CELF2: variants seen among roughly 807,000 people sequenced by gnomAD.
The protein encoded by CELF2 is CUGBP Elav-like family member 2.
Under a neutral mutation model 62.6 loss-of-function variants are expected in CELF2, and 8 were observed. The observed-to-expected ratio is 0.13, with a 90% CI of 0.07 to 0.23. The LOEUF is 0.23. Among genes scored for constraint, CELF2 ranks in the 10% least tolerant of loss-of-function variants. The pLI is 1.00. For synonymous variants in CELF2, 258 were observed against 250.0 expected (o/e 1.03, Z -0.30); for missense variants, 333 against 671.0 (o/e 0.50, Z 5.56).
At chr10:10,905,884 G>GA (rs542102265) in intron 1 of CELF2, among the ~76,000 whole-genome samples, 3,667 of 99,670 alleles carry the variant, frequency 0.037, 168 homozygotes, top group African/African-American at 0.12. Flanking sequence ...TCTCAAAAAA[G>GA]AAAAAAAAAA....
chr10:10,932,242 G>T (rs1407125953), intron 2 of CELF2, among the ~76,000 whole-genome samples: 1 of 152,162 alleles, frequency 6.6e-6, no homozygotes, highest in Non-Finnish European at 1.5e-5. Flanking sequence ...GTAGCATGGG[G>T]GCTGGACAAG....
chr10:11,028,174 A>G (rs996828968), intron 1 of CELF2, among the ~76,000 whole-genome samples: 1 of 152,182 alleles, frequency 6.6e-6, no homozygotes, highest in Non-Finnish European at 1.5e-5. Flanking sequence ...ATGATTGAGA[A>G]GTTCAATGAA....
intron 2 of CELF2, among the ~76,000 whole-genome samples, chr10:10,979,223 C>A (rs1295759286): frequency 9.2e-5 from 14 of 152,206 alleles, no homozygotes; most frequent in Non-Finnish European, 2.9e-5. Context: ...CATTTCTATT[C>A]TCTTGACGCC....
intron 1 of CELF2, among the ~76,000 whole-genome samples, chr10:10,807,910 A>T (rs1318098573): frequency 6.6e-6 from 1 of 152,182 alleles, no homozygotes; most frequent in Non-Finnish European, 1.5e-5. Context: ...GTAAGCAATG[A>T]CATCAGAATC....
chr10:11,238,164 G>A (rs1436250423), intron 3 of CELF2, among the ~76,000 whole-genome samples: 2 of 152,178 alleles, frequency 1.3e-5, no homozygotes, highest in African/African-American at 2.4e-5. Flanking sequence ...AGGAATCATG[G>A]CTGAGAGGAT....
At chr10:11,163,897 C>G (rs2066326168) in intron 1 of CELF2, among the ~76,000 whole-genome samples, 1 of 152,222 alleles carries the variant, frequency 6.6e-6, no homozygotes. Context: ...CCTAGACCCA[C>G]AGCAGATTTA....
In CELF2 at chr10:10,949,841, A is replaced by C. The variant is rs927532343; in HGVS notation, c.89+29842A>C. Among the ~76,000 whole-genome samples the C allele has an allele frequency of 3.3e-5, 5 of 151,920 alleles. No individual in the cohort carries two copies. The South Asian group carries it at 1.0e-3, about 32-fold the overall frequency. ...ACACACACACCAAAAAAAAAAAAAAAAAAAAAACTCACCTACAAATTCAAA... is the reference window on the plus strand; with the variant it reads ...ACACACACACCAAAAAAAAAAAAAACAAAAAAACTCACCTACAAATTCAAA... On this transcript the variant is annotated intron_variant, in intron 2 of 13. Transcript: ENST00000636488.
At chr10:11,035,790 T>C (rs150206579) in intron 1 of CELF2, among the ~76,000 whole-genome samples, 3 of 152,340 alleles carry the variant, frequency 2.0e-5, no homozygotes, top group Non-Finnish European at 4.4e-5. Context: ...GACCATGTAA[T>C]GTGCAGCTGT....
At chr10:11,249,751 A>C (rs2076598830) in intron 4 of CELF2, among the ~76,000 whole-genome samples, 2 of 152,366 alleles carry the variant, frequency 1.3e-5, no homozygotes, top group East Asian at 1.9e-4. Flanking sequence ...CACTTGGTGC[A>C]AAAATCTGCA....
rs960091759 is a variant in CELF2 at position 11,061,777 on chromosome 10, A to C, written c.74+43614A>C. ...AATGGAACAACAAAGCCTGGATGAC[A>C]GCACATCTGTTTACAGCATGGTTTA... On this transcript the variant is annotated intron_variant, in intron 1 of 12. Transcript: ENST00000633077. 2.6e-5 allele frequency among the ~76,000 whole-genome samples: 4 copies of C among 152,356 alleles called. No individual in the cohort carries two copies. The East Asian group carries it at 7.7e-4, about 29-fold the overall frequency.
At chr10:10,723,952 T>G in the CELF2 span, among the ~76,000 whole-genome samples, 109,485 of 151,996 alleles carry the variant, frequency 0.72, 39,954 homozygotes, top group South Asian at 0.82. Context: ...ATCTCCAATG[T>G]ACCAGTAATC....
rs2095278837 is a variant in CELF2 at position 11,319,193 on chromosome 10, A to G, written c.1097-1996A>G. 4.6e-6 allele frequency: 2 copies of G among 437,288 alleles called. No individual in the cohort carries two copies. Among genetic ancestry groups the G allele is most frequent in the Non-Finnish European group, 9.5e-6 (2 of 211,416 alleles). The allele number at this position is 437,288 out of a possible 1,614,324, so 27.1% of individuals were successfully genotyped here. A position where few individuals can be genotyped will look rare whatever the true frequency, so the allele number is the denominator to read the frequency against. On this transcript the variant is annotated intron_variant, in intron 10 of 12. Coordinates refer to ENST00000633077, the MANE Select transcript of CELF2 (RefSeq NM_001326342.2). This position sits in a 1 kb window ranked among gnomAD's most constrained non-coding sequence, Gnocchi z 4.4. ...CCCAGAGTGCGATCATCTGTAATCCACAGCACCCGTTAACAGCCTGGCCAA... is the reference window on the plus strand; with the variant it reads ...CCCAGAGTGCGATCATCTGTAATCCGCAGCACCCGTTAACAGCCTGGCCAA...
At chr10:10,807,058 C>T (rs1287193453) in intron 1 of CELF2, among the ~76,000 whole-genome samples, 1 of 152,056 alleles carries the variant, frequency 6.6e-6, no homozygotes, top group African/African-American at 2.4e-5. Flanking sequence ...TATATAAGTG[C>T]AGCAAAAATA....
intron 12 of CELF2, 116 bp downstream of exon 12, chr10:11,326,095 C>A: frequency 1.9e-6 from 2 of 1,041,384 alleles, no homozygotes; most frequent in South Asian, 1.8e-5. Flanking sequence ...TTGTGTTGGG[C>A]TCTGATTTTC....
chr10:11,069,498 G>A (rs2069137395), intron 1 of CELF2, among the ~76,000 whole-genome samples: 1 of 152,196 alleles, frequency 6.6e-6, no homozygotes, highest in East Asian at 1.9e-4. Context: ...TAGTCATTCA[G>A]TAGGGAGTAC....
chr10:10,802,083 C>G (rs2054721615), intron 1 of CELF2, among the ~76,000 whole-genome samples: 1 of 152,138 alleles, frequency 6.6e-6, no homozygotes, highest in African/African-American at 2.4e-5. Context: ...AGTACAAACA[C>G]TCCAGCTGCA....
intron 1 of CELF2, among the ~76,000 whole-genome samples, chr10:11,009,010 G>GT (rs1485700717): frequency 1.6e-5 from 2 of 126,328 alleles, no homozygotes; most frequent in East Asian, 2.2e-4. Flanking sequence ...ATTTGCGGGG[G>GT]GGGGGGGGGA....
the CELF2 span, among the ~76,000 whole-genome samples, chr10:10,480,292 C>T: frequency 6.6e-6 from 1 of 152,130 alleles, no homozygotes; most frequent in African/African-American, 2.4e-5. Flanking sequence ...TCCATTAATC[C>T]CTCCAGAGGA....
At chr10:10,935,892 C>G (rs1404335010) in intron 2 of CELF2, among the ~76,000 whole-genome samples, 1 of 151,968 alleles carries the variant, frequency 6.6e-6, no homozygotes, top group East Asian at 1.9e-4. Context: ...TGGATCACGC[C>G]TGAAATCCCA....
Sources: gnomAD v4.1 joint callset for allele counts (sites outside exome capture counted in the v4.1 genomes callset) on GRCh38, gnomAD v4.1.1 for gene constraint, Gnocchi (gnomAD v3.1) non-coding constraint, MANE v1.5 for transcripts, NCBI Gene and HGNC (gene_info 2026-07-23, HGNC 2026-07-21) for gene names.